The following PCDHGA11 variants were observed in gnomAD, a reference collection of about 807,000 sequenced individuals.
The protein encoded by PCDHGA11 is protocadherin gamma-A11.
PCDHGA11 carries 39 observed loss-of-function variants against 60.4 expected under a neutral mutation model. The ratio of observed to expected loss-of-function variants is 0.65; its 90% CI spans 0.50 to 0.84. PCDHGA11 has a LOEUF of 0.84. PCDHGA11 is among the 40% of genes least tolerant of loss of function. The probability of loss-of-function intolerance (pLI) is 0.00; values close to 1 mark genes in which losing one functional copy is unlikely to be tolerated. For missense variants in PCDHGA11, 1,165 were observed against 1,197.7 expected, an observed-to-expected ratio of 0.97 and a Z score of 0.40; for synonymous variants, 533 against 510.3, an observed-to-expected ratio of 1.04 and a Z score of -0.60.
At chr5:141,447,214 A>G (rs2098530358) in intron 1 of PCDHGA11, among the ~76,000 whole-genome samples, 1 of 152,092 alleles carries the variant, frequency 6.6e-6, no homozygotes, top group Admixed American at 6.6e-5. Context: ...ATCTCGGCTC[A>G]CTGCAACCTC....
chr5:141,487,031 G>A lies in PCDHGA11; in HGVS notation c.2434-7776G>A, dbSNP rs749130369. 1.2e-6 allele frequency: 2 copies of A among 1,614,182 alleles called. No homozygotes were observed. Among genetic ancestry groups the A allele is most frequent in the Non-Finnish European group, 1.7e-6 (2 of 1,180,028 alleles). On this transcript the variant is annotated intron_variant, in intron 1 of 3. Coordinates refer to ENST00000398587, the MANE Select transcript of PCDHGA11 (RefSeq NM_018914.3). The surrounding 1 kb of genome is among the most constrained non-coding windows in gnomAD (Gnocchi z 5.0). ...GGAGGCCCCAGATCCCAGCCTGTTT[G>A]CAGTCTCTCGATATGCTGGGGAGGT...
At chr5:141,503,804 G>A (rs2099831736) in intron 2 of PCDHGA11, among the ~76,000 whole-genome samples, 1 of 152,034 alleles carries the variant, frequency 6.6e-6, no homozygotes, top group South Asian at 2.1e-4. Flanking sequence ...TAGGGACGGG[G>A]AATCCCAGAT....
Position 141,422,413 on chromosome 5 carries a change from GAA to G in PCDHGA11, c.1189_1190del (p.Lys397AspfsTer49), listed in dbSNP as rs753790858. The G allele has an allele frequency of 6.2e-7, 1 of 1,604,644 alleles. No homozygotes were observed. The highest frequency in any genetic ancestry group is 1.1e-5 in the South Asian group (1 of 89,022). ...TCCTAACCACCTGCCTTTTAAATTA[GAA>G]AAGACTTATGGAAATTATTACAAAT... ...FIPNHLPFKL[E>X]KTYGNYYKLI... On this transcript the variant is annotated frameshift_variant, in exon 1 of 4. Coordinates refer to ENST00000398587, the MANE Select transcript of PCDHGA11 (RefSeq NM_018914.3). LOFTEE classifies it high-confidence loss of function.
Position 141,511,207 on chromosome 5 carries a change from T to A in PCDHGA11, c.*34T>A, listed in dbSNP as rs773761839. ...CCAGGCCAAGAGCCACAGGGCGGCC[T>A]CTCCCCAACCAGCCCAGCTTCTCCT... On this transcript the variant is annotated 3_prime_UTR_variant, in exon 4 of 4. Transcript: ENST00000398587. 1 of 1,611,162 alleles carries A rather than the reference T, an allele frequency of 6.2e-7. No individual in the cohort carries two copies. The highest frequency in any genetic ancestry group is 1.1e-5 in the South Asian group (1 of 90,702).
At chr5:141,500,223 T>TTG (rs1227708024) in intron 2 of PCDHGA11, among the ~76,000 whole-genome samples, 1 of 145,320 alleles carries the variant, frequency 6.9e-6, no homozygotes, top group Non-Finnish European at 1.5e-5. Flanking sequence ...TTTATTTATT[T>TTG]ATTGATACGT....
In PCDHGA11 at chr5:141,476,291, G is replaced by T. The variant is rs1385060012; in HGVS notation, c.2434-18516G>T. The stretch of plus-strand genomic sequence containing the variant: ...GGTCGCGAACCTTGGTTTGGATCTC[G>T]GTAGCCTCTCAGCCCGCAGGTTCCG... On this transcript the variant is annotated intron_variant, in intron 1 of 3. Coordinates refer to ENST00000398587, the MANE Select transcript of PCDHGA11 (RefSeq NM_018914.3). This position sits in a 1 kb window ranked among gnomAD's most constrained non-coding sequence, Gnocchi z 7.6. 4 of 1,614,128 alleles carry T rather than the reference G, an allele frequency of 2.5e-6. No homozygotes were observed. Among genetic ancestry groups the T allele is most frequent in the South Asian group, 1.1e-5 (1 of 91,072 alleles).
chr5:141,439,190 CA>C (rs200519543), intron 1 of PCDHGA11, among the ~76,000 whole-genome samples: 2,445 of 111,432 alleles, frequency 0.022, 39 homozygotes, highest in African/African-American at 0.057. Flanking sequence ...GAGACTCTGA[CA>C]AAAAAAAAAA....
chr5:141,427,999 T>A, intron 1 of PCDHGA11: 1 of 1,601,186 alleles, frequency 6.2e-7, no homozygotes, highest in Non-Finnish European at 8.5e-7. Context: ...GGCTCCGCAC[T>A]CTTCGATATA....
Position 141,511,319 on chromosome 5 carries a change from C to A in PCDHGA11, c.*146C>A. On this transcript the variant is annotated 3_prime_UTR_variant, in exon 4 of 4. Coordinates refer to ENST00000398587, the MANE Select transcript of PCDHGA11 (RefSeq NM_018914.3). ...CCATGCTCCCCTTGGGAAACAGAAA[C>A]AAGTGCCCAGTCAGCACCTACCCCT... is the stretch of plus-strand genomic sequence containing the variant. 6.8e-7 allele frequency: 1 copy of A among 1,477,420 alleles called. No homozygotes were observed. The highest frequency in any genetic ancestry group is 9.0e-7 in the Non-Finnish European group (1 of 1,108,340). 91.5% of individuals were successfully genotyped at this position (1,477,420 alleles called of 1,614,324 possible).
At chr5:141,424,748 A>G (rs1218712198) in intron 1 of PCDHGA11, 3 of 152,034 alleles carry the variant, frequency 2.0e-5, no homozygotes, top group African/African-American at 4.8e-5. Flanking sequence ...TTCTTTCTTT[A>G]TAAGGTCATT....
rs561569572 is a variant in PCDHGA11, at chr5:141,512,054, C to A, written c.*881C>A. 6.5e-6 allele frequency: 1 copy of A among 152,828 alleles called. No individual in the cohort carries two copies. The highest frequency in any genetic ancestry group is 1.9e-4 in the East Asian group (1 of 5,184). The allele number at this position is 152,828 out of a possible 1,614,324, so 9.5% of individuals were successfully genotyped here. On this transcript the variant is annotated 3_prime_UTR_variant, in exon 4 of 4. Coordinates refer to ENST00000398587, the MANE Select transcript of PCDHGA11 (RefSeq NM_018914.3). Reference sequence around the variant, plus strand: ...GGAGGCTCTGTATGTCCTCAGGGGACTGACAACATCCTCCAGATTCCAGCC... The same window carrying A: ...GGAGGCTCTGTATGTCCTCAGGGGAATGACAACATCCTCCAGATTCCAGCC...
At chr5:141,495,446 C>A (rs1165861519) in intron 2 of PCDHGA11, among the ~76,000 whole-genome samples, 1 of 152,220 alleles carries the variant, frequency 6.6e-6, no homozygotes, top group African/African-American at 2.4e-5. Flanking sequence ...CCCTACTTGT[C>A]CTGCTCTCTG....
intron 1 of PCDHGA11, among the ~76,000 whole-genome samples, chr5:141,482,458 C>G (rs986628162): frequency 1.4e-5 from 2 of 147,624 alleles, no homozygotes; most frequent in African/African-American, 2.6e-5. Flanking sequence ...ATTAGCATCC[C>G]TATGTGCCAG....
At chr5:141,478,478 A>T (rs764926007) in intron 1 of PCDHGA11, 2 of 1,613,740 alleles carry the variant, frequency 1.2e-6, no homozygotes, top group East Asian at 4.5e-5. Flanking sequence ...CCGCCAGAAC[A>T]CGCTGCGGAG....
At chr5:141,479,982 C>T (rs368461965) in intron 1 of PCDHGA11, among the ~76,000 whole-genome samples, 1 of 152,192 alleles carries the variant, frequency 6.6e-6, no homozygotes, top group South Asian at 2.1e-4. Flanking sequence ...CTACCATTTA[C>T]CAACTAGGAG....
rs192747939 is a variant in PCDHGA11 at position 141,487,483 on chromosome 5, T to A, written c.2434-7324T>A. ...TTGTTGATGTGGGAGGCCACTCTCA[T>A]GGCTGTACACCCTTGGCTTCTGCAC... On this transcript the variant is annotated intron_variant, in intron 1 of 3. Transcript: ENST00000398587. This position sits in a 1 kb window ranked among gnomAD's most constrained non-coding sequence, Gnocchi z 5.0. 1 of 1,614,224 alleles carries A rather than the reference T, an allele frequency of 6.2e-7. No individual in the cohort carries two copies. The highest frequency in any genetic ancestry group is 1.1e-5 in the South Asian group (1 of 91,084).
In PCDHGA11 at chr5:141,431,213, TTCCC is replaced by T. The variant is rs1373533151; in HGVS notation, c.2433+7556_2433+7559del. 1 of 1,614,142 alleles carries T rather than the reference TTCCC, an allele frequency of 6.2e-7. No homozygotes were observed. Among genetic ancestry groups the T allele is most frequent in the Admixed American group, 1.7e-5 (1 of 60,020 alleles). On this transcript the variant is annotated intron_variant, in intron 1 of 3. Transcript: ENST00000398587. This position sits in a 1 kb window ranked among gnomAD's most constrained non-coding sequence, Gnocchi z 4.8. ...TGAAAATGCAGCCACTGAGATGCGGTTCCCTCTACCCCACGCCTGGGATCCGGAT... is the reference window on the plus strand; with the variant it reads ...TGAAAATGCAGCCACTGAGATGCGGTTCTACCCCACGCCTGGGATCCGGAT...
chr5:141,423,095 A>ACG lies in PCDHGA11; in HGVS notation c.1869_1870insGC (p.Thr624AlafsTer120), dbSNP rs2096709208. On this transcript the variant is annotated frameshift_variant, in exon 1 of 4. Coordinates refer to ENST00000398587, the MANE Select transcript of PCDHGA11 (RefSeq NM_018914.3). LOFTEE classifies it high-confidence loss of function. ...CCGGGACTCTTCGCGGTGGGGGAGC[A>ACG]CACGGGCGAGGTGCGTACAGCGCGG... is the stretch of plus-strand genomic sequence containing the variant. 4 of 1,613,860 alleles carry ACG rather than the reference A, an allele frequency of 2.5e-6. No homozygotes were observed. Among genetic ancestry groups the ACG allele is most frequent in the African/African-American group, 2.7e-5 (2 of 74,952 alleles).
At position 141,421,079 on chromosome 5, in the gene PCDHGA11, T is replaced by A. The variant is rs2096545177; in HGVS notation, c.-149T>A. The A allele has an allele frequency of 1.6e-6, 1 of 630,528 alleles. No homozygotes were observed. Among genetic ancestry groups the A allele is most frequent in the Non-Finnish European group, 2.7e-6 (1 of 374,800 alleles). 39.1% of individuals were successfully genotyped at this position (630,528 alleles called of 1,614,324 possible). The stretch of plus-strand genomic sequence containing the variant: ...ACACAAAGCGGAATGAGATGGATAC[T>A]CACAGATCCTGACACTGGAGACTTA... On this transcript the variant is annotated 5_prime_UTR_variant, in exon 1 of 4. Coordinates refer to ENST00000398587, the MANE Select transcript of PCDHGA11 (RefSeq NM_018914.3).
Sources: gnomAD v4.1 joint callset for allele counts (sites outside exome capture counted in the v4.1 genomes callset) on GRCh38, gnomAD v4.1.1 for gene constraint, Gnocchi (gnomAD v3.1) non-coding constraint, MANE v1.5 for transcripts, NCBI Gene and HGNC (gene_info 2026-07-23, HGNC 2026-07-21) for gene names.